Variants in TAF15 observed in about 807,000 individuals in gnomAD.
TAF15 encodes the protein TATA-box binding protein associated factor 15, also known as TATA-binding protein-associated factor 2N.
Under a neutral mutation model 102.5 loss-of-function variants are expected in TAF15, and 37 were observed. That is an observed-to-expected ratio of 0.36 (90% CI 0.28 to 0.47). TAF15 has a LOEUF of 0.47. TAF15 is among the 20% of genes least tolerant of loss of function. The probability of loss-of-function intolerance (pLI) is 0.99; values close to 1 mark genes in which losing one functional copy is unlikely to be tolerated. For synonymous variants in TAF15, 273 were observed against 259.2 expected (o/e 1.05, Z -0.51); for missense variants, 652 against 760.7 (o/e 0.86, Z 1.68).
At chr17:35,839,944 G>A (rs2087523609) in intron 11 of TAF15, among the ~76,000 whole-genome samples, 1 of 152,048 alleles carries the variant, frequency 6.6e-6, no homozygotes, top group African/African-American at 2.4e-5. Context: ...GTTTACTGAG[G>A]TTTATGAGCT....
intron 7 of TAF15, among the ~76,000 whole-genome samples, chr17:35,830,866 T>TA (rs1166641052): frequency 3.3e-5 from 5 of 152,308 alleles, no homozygotes; most frequent in Admixed American, 2.0e-4. Flanking sequence ...AGGCTATGCT[T>TA]ACGCTTATAT....
rs1205245912 is a variant in TAF15, at chr17:35,809,984, C to A, written c.7+408C>A. The A allele has an allele frequency of 1.2e-5, 4 of 339,402 alleles. No homozygotes were observed. The East Asian group carries it at 2.7e-4, about 23-fold the overall frequency. The allele number at this position is 339,402 out of a possible 1,614,324, so 21.0% of individuals were successfully genotyped here. A position where few individuals can be genotyped will look rare whatever the true frequency, so the allele number is the denominator to read the frequency against. ...TCGGATCTTTCAGCGAGGCCTCGGGCCAGTCATCTCGCCGCCTCGTACCTC... is the reference window on the plus strand; with the variant it reads ...TCGGATCTTTCAGCGAGGCCTCGGGACAGTCATCTCGCCGCCTCGTACCTC... On this transcript the variant is annotated intron_variant, in intron 1 of 15. Transcript: ENST00000605844.
intron 7 of TAF15, among the ~76,000 whole-genome samples, chr17:35,830,691 C>T (rs1320771931): frequency 2.6e-5 from 4 of 152,180 alleles, no homozygotes; most frequent in African/African-American, 9.7e-5. Flanking sequence ...TGAAAGAAGG[C>T]TTTGCATAAA....
chr17:35,809,538 G>T lies in TAF15; in HGVS notation c.-32G>T. 1 of 1,612,826 alleles carries T rather than the reference G, an allele frequency of 6.2e-7. No individual in the cohort carries two copies. The highest frequency in any genetic ancestry group is 1.1e-5 in the South Asian group (1 of 91,056). Reference sequence around the variant, plus strand: ...CTTTCGTATTCGTTGTTCTCGGCGGGCTGTGGGGCCTCCGCGCCGCGGCCG... The same window carrying T: ...CTTTCGTATTCGTTGTTCTCGGCGGTCTGTGGGGCCTCCGCGCCGCGGCCG... On this transcript the variant is annotated 5_prime_UTR_variant, in exon 1 of 16. Transcript: ENST00000605844.
chr17:35,828,148 T>G (rs1458350877), intron 7 of TAF15, among the ~76,000 whole-genome samples: 1 of 152,212 alleles, frequency 6.6e-6, no homozygotes, highest in Non-Finnish European at 1.5e-5. Flanking sequence ...AAAATCCAGA[T>G]TTTTGAGGAT....
intron 1 of TAF15, among the ~76,000 whole-genome samples, chr17:35,814,748 G>A (rs2087173046): frequency 6.6e-6 from 1 of 151,890 alleles, no homozygotes; most frequent in South Asian, 2.1e-4. Flanking sequence ...AGCCACTCAG[G>A]AGGCGGAGGC....
At chr17:35,829,595 G>A (rs2087374516) in intron 7 of TAF15, among the ~76,000 whole-genome samples, 2 of 123,534 alleles carry the variant, frequency 1.6e-5, no homozygotes, top group Non-Finnish European at 3.2e-5. Flanking sequence ...TCGTGCCACT[G>A]TACTCTGGCC....
intron 10 of TAF15, among the ~76,000 whole-genome samples, chr17:35,837,554 G>A (rs2087491098): frequency 6.6e-6 from 1 of 152,104 alleles, no homozygotes; most frequent in African/African-American, 2.4e-5. Flanking sequence ...ACGGCCGGGC[G>A]TGGTGGCTCA....
Position 35,844,510 on chromosome 17 carries a change from G to A in TAF15, c.1211G>A (p.Gly404Asp). ...GGGAGAGGCTACGGTGGAGAGAGGG[G>A]CTACAGAGGTCGTGGGGGCAGAGGT... ...FRGRGYGGERGYRGRGGRGGD... is the reference protein window; with the variant it reads ...FRGRGYGGERDYRGRGGRGGD... Residue 404 changes from glycine (G) to aspartate (D), a missense_variant, in exon 15 of 16, where the codon GGC (glycine) becomes GAC (aspartate). This residue lies in a region of TAF15 where 368 missense variants were observed against 367.5 expected (regional missense o/e 1.00). Coordinates refer to ENST00000605844, the MANE Select transcript of TAF15 (RefSeq NM_139215.3). 1 of 1,612,422 alleles carries A rather than the reference G, an allele frequency of 6.2e-7. No homozygotes were observed. The highest frequency in any genetic ancestry group is 8.5e-7 in the Non-Finnish European group (1 of 1,178,830).
rs2087241983 is a variant in TAF15, at chr17:35,820,161, C to T, written c.100-3C>T. The stretch of plus-strand genomic sequence containing the variant: ...GAAACTTGAGTATTTACCTAAATTT[C>T]AGAGCTATTCTGGCTATGGGCAAAC... On this transcript the variant is annotated splice_region_variant and splice_polypyrimidine_tract_variant and intron_variant, in intron 3 of 15. Coordinates refer to ENST00000605844, the MANE Select transcript of TAF15 (RefSeq NM_139215.3). 1.2e-6 allele frequency: 2 copies of T among 1,613,922 alleles called. No homozygotes were observed. The highest frequency in any genetic ancestry group is 1.7e-6 in the Non-Finnish European group (2 of 1,179,960).
intron 11 of TAF15, among the ~76,000 whole-genome samples, chr17:35,840,841 G>A (rs940184571): frequency 6.6e-6 from 1 of 151,770 alleles, no homozygotes; most frequent in African/African-American, 2.4e-5. Context: ...TCCAGCCTGG[G>A]TGACGCACAG....
At chr17:35,828,406 A>G (rs564316396) in intron 7 of TAF15, among the ~76,000 whole-genome samples, 1 of 152,352 alleles carries the variant, frequency 6.6e-6, no homozygotes, top group African/African-American at 2.4e-5. Context: ...TTAACTCAAT[A>G]TATTCAAAAT....
At chr17:35,835,638 C>T (rs1049274934) in intron 9 of TAF15, among the ~76,000 whole-genome samples, 5 of 152,222 alleles carry the variant, frequency 3.3e-5, no homozygotes, top group African/African-American at 1.2e-4. Context: ...GTACAAGGTG[C>T]CTCCGCACTC....
intron 1 of TAF15, among the ~76,000 whole-genome samples, chr17:35,813,237 A>C (rs954670649): frequency 1.3e-5 from 2 of 152,116 alleles, no homozygotes; most frequent in Non-Finnish European, 2.9e-5. Context: ...GGAATAGCAG[A>C]CCTAGCAGAA....
At chr17:35,822,011 C>A (rs957074566) in intron 5 of TAF15, among the ~76,000 whole-genome samples, 6 of 151,884 alleles carry the variant, frequency 4.0e-5, no homozygotes, top group African/African-American at 1.2e-4. Flanking sequence ...AGACATATTA[C>A]TGTACTTTGT....
intron 7 of TAF15, among the ~76,000 whole-genome samples, chr17:35,829,429 G>A (rs994589072): frequency 2.7e-5 from 4 of 150,826 alleles, no homozygotes. Flanking sequence ...TCGGGAGATC[G>A]AGACCATCCT....
intron 6 of TAF15, among the ~76,000 whole-genome samples, chr17:35,823,048 T>A (rs2087282669): frequency 6.6e-6 from 1 of 152,216 alleles, no homozygotes; most frequent in African/African-American, 2.4e-5. Context: ...GATGGCTGAT[T>A]ACGTGAATTT....
intron 1 of TAF15, among the ~76,000 whole-genome samples, chr17:35,814,099 A>G (rs1341663639): frequency 1.3e-5 from 2 of 151,632 alleles, no homozygotes; most frequent in African/African-American, 4.9e-5. Context: ...TAGAGATAGG[A>G]TCTTTCTGTG....
rs1397827914 is a variant in TAF15, at chr17:35,815,210, CAAAG to C, written c.8-2504_8-2501del. On this transcript the variant is annotated intron_variant, in intron 1 of 15. Coordinates refer to ENST00000605844, the MANE Select transcript of TAF15 (RefSeq NM_139215.3). ...TGCAGTGGAATATTAGGAAAAAACA[CAAAG>C]AGAATCAAAACTATACACTTGGAAA... Among the ~76,000 whole-genome samples the C allele has an allele frequency of 9.2e-5, 14 of 152,162 alleles. No individual in the cohort carries two copies. In the East Asian group the frequency reaches 2.7e-3, roughly 29 times the overall value.
Sources: gnomAD v4.1 joint callset for allele counts (sites outside exome capture counted in the v4.1 genomes callset) on GRCh38, gnomAD v4.1.1 for gene constraint, gnomAD v4.1.1 regional missense constraint, MANE v1.5 for transcripts, NCBI Gene and HGNC (gene_info 2026-07-23, HGNC 2026-07-21) for gene names.